UGT1A3: variants seen among roughly 807,000 people sequenced by gnomAD.
The protein encoded by UGT1A3 is UDP-glucuronosyltransferase 1A3.
UGT1A3 carries 31 observed loss-of-function variants against 41.0 expected under a neutral mutation model. That is an observed-to-expected ratio of 0.76 (90% CI 0.57 to 1.02). The LOEUF is 1.02. Ranked by LOEUF, UGT1A3 falls within the 50% of genes least tolerant of loss-of-function variation. UGT1A3 has a pLI of 0.00. For missense variants in UGT1A3, 737 were observed against 671.0 expected (o/e 1.10, Z -1.09); for synonymous variants, 262 against 257.6 (o/e 1.02, Z -0.17).
At chr2:233,748,086 G>A (rs1376410311) in intron 1 of UGT1A3, 37 of 1,612,904 alleles carry the variant, frequency 2.3e-5, no homozygotes, top group Non-Finnish European at 2.9e-5. Context: ...TCAGGTCGGT[G>A]TTCGTGCCTT....
At chr2:233,746,507 C>T (rs1477077635) in intron 1 of UGT1A3, among the ~76,000 whole-genome samples, 1 of 151,718 alleles carries the variant, frequency 6.6e-6, no homozygotes, top group Non-Finnish European at 1.5e-5. Context: ...TTAGTAGCCC[C>T]CAAAGCAAGA....
chr2:233,770,903 T>C (rs35203651), intron 4 of UGT1A3: 14,100 of 152,250 alleles, frequency 0.093, 767 homozygotes, highest in South Asian at 0.16. Flanking sequence ...CTGCAGGCTG[T>C]ACAGGAAGCT....
intron 1 of UGT1A3, chr2:233,760,443 G>C (rs773136953): frequency 6.2e-7 from 1 of 1,614,250 alleles, no homozygotes; most frequent in South Asian, 1.1e-5. Flanking sequence ...AGCTGCAGCA[G>C]AGGGGACATG....
chr2:233,762,263 T>A (rs1459310284), intron 1 of UGT1A3, among the ~76,000 whole-genome samples: 1 of 152,194 alleles, frequency 6.6e-6, no homozygotes, highest in Non-Finnish European at 1.5e-5. Context: ...CGAATATGTG[T>A]TACATTAATG....
chr2:233,729,156 GT>G lies in UGT1A3; in HGVS notation c.31del (p.Trp11GlyfsTer55), dbSNP rs1390322466. 73 of 1,613,462 alleles carry G rather than the reference GT, an allele frequency of 4.5e-5. No individual in the cohort carries two copies. Among genetic ancestry groups the G allele is most frequent in the Middle Eastern group, 1.7e-4 (1 of 5,730 alleles). On this transcript the variant is annotated frameshift_variant, in exon 1 of 5. Coordinates refer to ENST00000482026, the MANE Select transcript of UGT1A3 (RefSeq NM_019093.4). LOFTEE classifies it high-confidence loss of function. MATGLQVPLP[W>X]LATGLLLLLS... ...CCACAGGACTCCAGGTTCCCCTGCC[GT>G]GGCTGGCCACAGGACTGCTGCTTCT...
intron 1 of UGT1A3, chr2:233,738,818 A>G (rs779696858): frequency 6.6e-6 from 1 of 152,242 alleles, no homozygotes; most frequent in Non-Finnish European, 1.5e-5. Flanking sequence ...AGAAATTTGA[A>G]TAAATAAGGA....
At position 233,754,406 on chromosome 2, in the gene UGT1A3, A is replaced by G. The variant is rs1695474785; in HGVS notation, c.868-12628A>G. The G allele has an allele frequency of 8.8e-6, 3 of 341,438 alleles. No individual in the cohort carries two copies. The Admixed American group carries it at 1.2e-4, about 14-fold the overall frequency. The allele number at this position is 341,438 out of a possible 1,614,324, so 21.2% of individuals were successfully genotyped here. A position where few individuals can be genotyped will look rare whatever the true frequency, so the allele number is the denominator to read the frequency against. ...ACAGAGGTCCTATCCGTGCAGTCCC[A>G]ACAATAAAGACAGGCATTGGCATAA... On this transcript the variant is annotated intron_variant, in intron 1 of 4. Transcript: ENST00000482026.
chr2:233,758,064 T>C (rs941779241), intron 1 of UGT1A3, among the ~76,000 whole-genome samples: 1 of 152,184 alleles, frequency 6.6e-6, no homozygotes, highest in African/African-American at 2.4e-5. Context: ...CTAACTTGAC[T>C]TTCTGGGCCT....
rs371021401 is a variant in UGT1A3, at chr2:233,729,953, T to C, written c.827T>C (p.Ile276Thr). ...PRPIMPNMVF[I>T]GGINCANRKP... The stretch of plus-strand genomic sequence containing the variant: ...CCAATCATGCCCAACATGGTCTTCA[T>C]TGGGGGCATCAACTGTGCCAACAGG... The change falls in exon 1 of 5, where the codon ATT becomes ACT. Residue 276 changes from isoleucine (I) to threonine (T), a missense_variant. Physicochemically the swap from Ile to Thr is moderately conservative, Grantham distance 89 (BLOSUM62 -1). Transcript: ENST00000482026. 4.9e-4 allele frequency: 788 copies of C among 1,614,064 alleles called. 2 individuals are homozygous for C. In the South Asian group the frequency reaches 7.7e-3, roughly 16 times the overall value.
chr2:233,766,080 C>A (rs1198931583), intron 1 of UGT1A3, among the ~76,000 whole-genome samples: 1 of 152,194 alleles, frequency 6.6e-6, no homozygotes, highest in African/African-American at 2.4e-5. Context: ...TACCTTGTCG[C>A]AAGGACAGAG....
chr2:233,754,728 C>T (rs964525273), intron 1 of UGT1A3: 1 of 620,812 alleles, frequency 1.6e-6, no homozygotes, highest in African/African-American at 1.9e-5. Context: ...TGTCCCATCA[C>T]TACCGTAGGA....
At chr2:233,748,206 C>A (rs553740973) in intron 1 of UGT1A3, 35 of 1,508,468 alleles carry the variant, frequency 2.3e-5, no homozygotes, top group Admixed American at 4.0e-5. Context: ...GTCGTAATAG[C>A]CTTCAGTGAG....
At chr2:233,744,039 G>C (rs1692664122) in intron 1 of UGT1A3, 1 of 770,658 alleles carries the variant, frequency 1.3e-6, no homozygotes, top group Non-Finnish European at 1.8e-6. Flanking sequence ...TTATGACGCA[G>C]CCACATCTCA....
At chr2:233,766,566 G>A (rs930471985) in intron 1 of UGT1A3, among the ~76,000 whole-genome samples, 1 of 152,162 alleles carries the variant, frequency 6.6e-6, no homozygotes, top group Non-Finnish European at 1.5e-5. Context: ...AGGTCCATGG[G>A]CACAGGTCTG....
At chr2:233,753,670 G>T (rs1438239507) in intron 1 of UGT1A3, 3 of 152,198 alleles carry the variant, frequency 2.0e-5, no homozygotes, top group Admixed American at 6.5e-5. Flanking sequence ...TGTGTATGGT[G>T]CCTCACCCAA....
Position 233,754,563 on chromosome 2 carries a change from C to T in UGT1A3, c.868-12471C>T, listed in dbSNP as rs1133493. 9 of 399,474 alleles carry T rather than the reference C, an allele frequency of 2.3e-5. No homozygotes were observed. The East Asian group carries it at 2.9e-4, about 13-fold the overall frequency. 24.7% of individuals were successfully genotyped at this position (399,474 alleles called of 1,614,324 possible). On this transcript the variant is annotated intron_variant, in intron 1 of 4. Transcript: ENST00000482026. ...GGAATTACTTGGTGTCAATGGGGAG[C>T]AACTGCTCTATGCCGTTTATTATGA... is the stretch of plus-strand genomic sequence containing the variant.
At position 233,729,068 on chromosome 2, in the gene UGT1A3, AG is replaced by A; in HGVS notation, c.-58del. ...GTGACAAGGTAATTAAGATGAAGAA[AG>A]CAAATGTAGCAGGCACAGCGTGGGG... On this transcript the variant is annotated 5_prime_UTR_variant, in exon 1 of 5. The change creates a premature stop within an existing upstream ORF in the 5' untranslated region. Coordinates refer to ENST00000482026, the MANE Select transcript of UGT1A3 (RefSeq NM_019093.4). 1 of 1,611,394 alleles carries A rather than the reference AG, an allele frequency of 6.2e-7. No individual in the cohort carries two copies. Among genetic ancestry groups the A allele is most frequent in the Non-Finnish European group, 8.5e-7 (1 of 1,179,414 alleles).
chr2:233,753,997 G>A (rs1199006264), intron 1 of UGT1A3, among the ~76,000 whole-genome samples: 1 of 152,188 alleles, frequency 6.6e-6, no homozygotes, highest in East Asian at 1.9e-4. Flanking sequence ...CCAAGTTTGG[G>A]TAATTTGTTA....
intron 1 of UGT1A3, chr2:233,747,143 T>C (rs1451311300): frequency 2.6e-6 from 4 of 1,563,162 alleles, no homozygotes; most frequent in African/African-American, 1.4e-5. Context: ...ACAAGGTAAT[T>C]AAGATGAAGA....
Sources: allele counts gnomAD v4.1 joint callset (sites outside exome capture counted in the v4.1 genomes callset), GRCh38; gene constraint gnomAD v4.1.1; transcripts MANE v1.5; gene names NCBI Gene and HGNC (gene_info 2026-07-23, HGNC 2026-07-21).